The following SPATA3 variants were observed in gnomAD, a reference collection of about 807,000 sequenced individuals.
The protein encoded by SPATA3 is spermatogenesis associated 3, also known as spermatogenesis-associated protein 3.
SPATA3 carries 6 observed loss-of-function variants against 5.7 expected under a neutral mutation model. That is an observed-to-expected ratio of 1.06 (90% CI 0.58 to 2.09). The LOEUF (loss-of-function observed/expected upper bound fraction) is 2.09, where lower values mean the gene tolerates loss of function less well. SPATA3 is among the 30% of genes most tolerant of loss of function. The probability of loss-of-function intolerance (pLI) is 0.00; values close to 1 mark genes in which losing one functional copy is unlikely to be tolerated. For missense variants in SPATA3, 155 were observed against 130.4 expected (o/e 1.19, Z -0.92); for synonymous variants, 44 against 48.4 (o/e 0.91, Z 0.37).
chr2:231,010,001 T>C (rs72999235), downstream of SPATA3, among the ~76,000 whole-genome samples: 5,766 of 152,234 alleles, frequency 0.038, 238 homozygotes, highest in South Asian at 0.17. Flanking sequence ...AAGAGGGAAG[T>C]TTAGAGCTGG....
chr2:231,012,378 C>T (rs1486475689), intron 4 of SPATA3, among the ~76,000 whole-genome samples: 2 of 152,192 alleles, frequency 1.3e-5, no homozygotes, highest in African/African-American at 2.4e-5. Context: ...GCTCACCTTT[C>T]GAGAATGAGT....
rs140411352 is a variant in SPATA3 at position 230,999,285 on chromosome 2, ATGAAGACGTTC to A, written c.791-1076_791-1066del. Among the ~76,000 whole-genome samples the A allele has an allele frequency of 3.2e-3, 493 of 152,296 alleles. 4 individuals are homozygous for A. Among genetic ancestry groups the A allele is most frequent in the African/African-American group, 0.011 (461 of 41,558 alleles). Reference sequence around the variant, plus strand: ...GGAGATGGGGTTTCTTTTTGGGGAAATGAAGACGTTCTGAAATTAGTGGTGATGGCCACAAA... The same window carrying A: ...GGAGATGGGGTTTCTTTTTGGGGAAATGAAATTAGTGGTGATGGCCACAAA... On this transcript the variant is annotated intron_variant, in intron 1 of 2. Transcript: ENST00000645363.
At chr2:231,011,511 G>A (rs1341721098), downstream of SPATA3, among the ~76,000 whole-genome samples, 1 of 152,198 alleles carries the variant, frequency 6.6e-6, no homozygotes, top group Non-Finnish European at 1.5e-5. Flanking sequence ...GGTCTGTCCA[G>A]TCCACTGTGC....
chr2:230,998,891 G>A (rs371353286), intron 1 of SPATA3, among the ~76,000 whole-genome samples: 1 of 152,184 alleles, frequency 6.6e-6, no homozygotes, highest in Non-Finnish European at 1.5e-5. Context: ...AAGAGAATTC[G>A]AAGCATCTTA....
intron 1 of SPATA3, 77 bp downstream of exon 1, chr2:230,996,611 G>A (rs1268849709): frequency 6.7e-7 from 1 of 1,494,144 alleles, no homozygotes. Flanking sequence ...GCTGGTTCTT[G>A]TAGGATAGTG....
intron 6 of SPATA3, among the ~76,000 whole-genome samples, chr2:231,018,764 C>T (rs56886893): frequency 0.05 from 7,615 of 151,886 alleles, 387 homozygotes; most frequent in African/African-American, 0.13. Context: ...CAGCTCACTG[C>T]AACCTCCACT....
chr2:231,006,062 G>A (rs1398582920), downstream of SPATA3, among the ~76,000 whole-genome samples: 3 of 151,694 alleles, frequency 2.0e-5, no homozygotes, highest in African/African-American at 4.8e-5. Flanking sequence ...AGGCATGGTC[G>A]TACACACCTG....
downstream of SPATA3, among the ~76,000 whole-genome samples, chr2:231,005,177 A>G (rs1033382134): frequency 7.2e-4 from 99 of 136,568 alleles, no homozygotes; most frequent in African/African-American, 2.6e-3. Context: ...CATCACCATC[A>G]TCATCACCAT....
At chr2:231,009,705 G>T (rs1021748520), downstream of SPATA3, among the ~76,000 whole-genome samples, 1 of 152,292 alleles carries the variant, frequency 6.6e-6, no homozygotes, top group South Asian at 2.1e-4. Context: ...TCATCCTGCC[G>T]AGTGCAGTTC....
downstream of SPATA3, among the ~76,000 whole-genome samples, chr2:231,006,317 C>T (rs1427464080): frequency 2.7e-5 from 4 of 150,548 alleles, no homozygotes; most frequent in South Asian, 2.1e-4. Flanking sequence ...CTGGCCAACA[C>T]GGTGAAACCC....
intron 5 of SPATA3, among the ~76,000 whole-genome samples, chr2:231,013,097 C>T (rs373382791): frequency 2.6e-5 from 4 of 152,168 alleles, no homozygotes; most frequent in Non-Finnish European, 4.4e-5. Context: ...TTCCCCAAGA[C>T]GCTTCTCTTC....
chr2:231,009,611 C>T (rs1449731715), downstream of SPATA3, among the ~76,000 whole-genome samples: 2 of 152,210 alleles, frequency 1.3e-5, no homozygotes, highest in African/African-American at 4.8e-5. Context: ...TTGTGGCTCA[C>T]GTTGCCTGTC....
chr2:231,000,835 C>G lies in SPATA3; in HGVS notation c.962+298C>G, dbSNP rs945674066. On this transcript the variant is annotated intron_variant, in intron 2 of 2. Coordinates refer to ENST00000645363, the Ensembl canonical transcript of SPATA3. ...TTTTCTCCAGAGATGCCCTCCCCTC[C>G]TCAGAACACTCTCCCCCTCAGCCCT... is the stretch of plus-strand genomic sequence containing the variant. Among the ~76,000 whole-genome samples the G allele has an allele frequency of 2.0e-5, 3 of 152,174 alleles. 1 individual carries two copies. The highest frequency in any genetic ancestry group is 6.5e-5 in the Admixed American group (1 of 15,288).
downstream of SPATA3, among the ~76,000 whole-genome samples, chr2:231,005,000 A>T (rs1692490751): frequency 1.0e-5 from 1 of 95,644 alleles, no homozygotes; most frequent in African/African-American, 4.9e-5. Flanking sequence ...CATCCTCACC[A>T]TCATCACCAC....
downstream of SPATA3, among the ~76,000 whole-genome samples, chr2:231,005,333 A>C (rs1574665279): frequency 7.7e-6 from 1 of 130,050 alleles, no homozygotes; most frequent in Non-Finnish European, 1.7e-5. Flanking sequence ...CACCATCATC[A>C]CCATCACCAT....
downstream of SPATA3, among the ~76,000 whole-genome samples, chr2:231,003,222 A>G (rs1692421160): frequency 6.6e-6 from 1 of 152,130 alleles, no homozygotes; most frequent in Admixed American, 6.5e-5. Flanking sequence ...CCATCTTCCC[A>G]ACTTCAATGA....
At chr2:231,017,725 T>C (rs910334531) in intron 6 of SPATA3, among the ~76,000 whole-genome samples, 3 of 152,202 alleles carry the variant, frequency 2.0e-5, no homozygotes, top group Non-Finnish European at 4.4e-5. Flanking sequence ...GGGATGGCTA[T>C]TCAGAGGGGC....
At chr2:230,999,238 A>G (rs562435192) in intron 1 of SPATA3, among the ~76,000 whole-genome samples, 6 of 152,112 alleles carry the variant, frequency 3.9e-5, no homozygotes, top group Non-Finnish European at 8.8e-5. Flanking sequence ...GGGAAATGGG[A>G]GAGTGGGGAG....
chr2:230,999,228 G>A (rs1366761214), intron 1 of SPATA3, among the ~76,000 whole-genome samples: 1 of 152,164 alleles, frequency 6.6e-6, no homozygotes, highest in South Asian at 2.1e-4. Flanking sequence ...CAGGGACTGG[G>A]GGAAATGGGA....
Sources: allele counts gnomAD v4.1 joint callset (sites outside exome capture counted in the v4.1 genomes callset), GRCh38; gene constraint gnomAD v4.1.1; transcripts MANE v1.5; gene names NCBI Gene and HGNC (gene_info 2026-07-23, HGNC 2026-07-21).